MYH14: variants seen among roughly 807,000 people sequenced by gnomAD.
The protein encoded by MYH14 is myosin heavy chain 14.
MYH14 carries 123 observed loss-of-function variants against 255.5 expected under a neutral mutation model. That is an observed-to-expected ratio of 0.48 (90% confidence interval 0.42 to 0.56). The LOEUF is 0.56. Ranked by LOEUF, MYH14 falls within the 20% of genes least tolerant of loss-of-function variation. The pLI, the probability that MYH14 is intolerant of heterozygous loss-of-function variation, is 0.00. For synonymous variants in MYH14, 1,095 were observed against 1,161.2 expected (o/e 0.94, Z 1.16); for missense variants, 2,423 against 2,802.3 (o/e 0.86, Z 3.06).
intron 19 of MYH14, among the ~76,000 whole-genome samples, chr19:50,260,214 G>C (rs1416358426): frequency 4.6e-5 from 7 of 152,134 alleles, no homozygotes. Flanking sequence ...ATCACTTCAG[G>C]TCAGGAGTTC....
chr19:50,245,936 C>G (rs2034097517), intron 11 of MYH14, among the ~76,000 whole-genome samples: 1 of 10,876 alleles, frequency 9.2e-5, no homozygotes, highest in East Asian at 1.7e-3. Context: ...GATCCCTTCC[C>G]TCCCTCCCTC....
chr19:50,225,479 C>T, intron 6 of MYH14, 106 bp from the exon 7 acceptor site: 1 of 817,662 alleles, frequency 1.2e-6, no homozygotes, highest in East Asian at 2.7e-5. Flanking sequence ...ACAAAGGCCC[C>T]TCACACACAG....
chr19:50,280,356 C>T lies in MYH14; in HGVS notation c.4263C>T (p.Gly1421=), dbSNP rs1396830680. 1 of 1,545,864 alleles carries T rather than the reference C, an allele frequency of 6.5e-7. No individual in the cohort carries two copies. Among genetic ancestry groups the T allele is most frequent in the Admixed American group, 2.0e-5 (1 of 50,824 alleles). ...AGGCAGCTGCCAGGGAACGGGCGGGCCGTGAACTGCAGACTGCCCAGGCCC... is the reference window on the plus strand; with the variant it reads ...AGGCAGCTGCCAGGGAACGGGCGGGTCGTGAACTGCAGACTGCCCAGGCCC... ...EEEAAARERA[G]RELQTAQAQL... is the part of the protein sequence containing the mutation. Residue 1421 remains glycine (G), a synonymous_variant, in exon 32 of 43, where the codon GGC becomes GGT. Transcript: ENST00000642316. The surrounding 1 kb of genome is among the most constrained non-coding windows in gnomAD (Gnocchi z 4.8).
intron 1 of MYH14, among the ~76,000 whole-genome samples, chr19:50,206,148 A>G (rs2031736996): frequency 6.6e-6 from 1 of 151,368 alleles, no homozygotes; most frequent in South Asian, 2.1e-4. Flanking sequence ...TTCAGAACTC[A>G]GCATCCTCAC....
At position 50,309,019 on chromosome 19, in the gene MYH14, C is replaced by A. The variant is rs745991888; in HGVS notation, c.5802C>A (p.Asn1934Lys). The A allele has an allele frequency of 1.7e-5, 27 of 1,612,326 alleles. No homozygotes were observed. The highest frequency in any genetic ancestry group is 3.3e-5 in the Admixed American group (2 of 59,828). The part of the protein sequence containing the change: ...DQLRDQLEKG[N>K]LRVKQLKRQL... ...CTTCCATCAAGCTGGAGAAGGGAAA[C>A]CTTCGAGTCAAGCAGCTGAAGCGGC... The change falls in exon 42 of 43, where the codon AAC (asparagine) becomes AAA (lysine). Residue 1934 changes from asparagine (N) to lysine (K), a missense_variant. Around this residue, in one of 3 missense-constraint regions of MYH14, gnomAD observed 1,513 missense variants for 1,674.8 expected, o/e 0.90. Coordinates refer to ENST00000642316, the MANE Select transcript of MYH14 (RefSeq NM_001145809.2).
intron 29 of MYH14, 72 bp from the exon 30 acceptor site, chr19:50,278,011 T>G: frequency 3.2e-6 from 4 of 1,235,512 alleles, no homozygotes; most frequent in Non-Finnish European, 3.3e-6. Context: ...GCAAAGGCCC[T>G]GAGATGGGAG....
chr19:50,274,244 G>C (rs907821954), intron 27 of MYH14, among the ~76,000 whole-genome samples: 1 of 152,070 alleles, frequency 6.6e-6, no homozygotes, highest in Non-Finnish European at 1.5e-5. Context: ...CAATTCAGTA[G>C]ATTTTGCCCA....
chr19:50,275,139 A>AT (rs1169688329), intron 27 of MYH14, among the ~76,000 whole-genome samples: 1 of 152,162 alleles, frequency 6.6e-6, no homozygotes, highest in Non-Finnish European at 1.5e-5. Context: ...CCTCCCACAA[A>AT]TCAGGACCCT....
intron 39 of MYH14, among the ~76,000 whole-genome samples, chr19:50,296,398 A>G (rs2036267046): frequency 1.3e-5 from 2 of 152,088 alleles, no homozygotes; most frequent in Non-Finnish European, 2.9e-5. Flanking sequence ...GCTTGAGCCC[A>G]GGAGTTTGAG....
rs11084008 is a variant in MYH14 at position 50,259,422 on chromosome 19, G to A, written c.2354+157G>A. ...CACTTTGCTGAGCCTCAGTTTACTC[G>A]TCTGTGTATGGGAGAACAATAGCCC... On this transcript the variant is annotated intron_variant, in intron 19 of 42. Coordinates refer to ENST00000642316, the MANE Select transcript of MYH14 (RefSeq NM_001145809.2). Among the ~76,000 whole-genome samples, 45,380 of 152,116 alleles carry A rather than the reference G, an allele frequency of 0.3. 8,311 individuals carry two copies. Among genetic ancestry groups the A allele is most frequent in the Admixed American group, 0.47 (7,133 of 15,272 alleles).
chr19:50,216,872 A>C (rs975568941), intron 2 of MYH14, among the ~76,000 whole-genome samples: 1 of 140,676 alleles, frequency 7.1e-6, no homozygotes, highest in Non-Finnish European at 1.5e-5. Flanking sequence ...CAGTGGCGCA[A>C]TCTTGGCTTA....
At chr19:50,247,645 A>G (rs527380089) in intron 12 of MYH14, among the ~76,000 whole-genome samples, 12 of 152,284 alleles carry the variant, frequency 7.9e-5, no homozygotes, top group South Asian at 2.1e-4. Context: ...GTTGGTCAGG[A>G]AAGTCCTCTC....
At chr19:50,231,841 G>C in intron 9 of MYH14, 89 bp from the exon 10 acceptor site, 2 of 1,546,754 alleles carry the variant, frequency 1.3e-6, no homozygotes, top group South Asian at 1.2e-5. Flanking sequence ...TGAGGATATG[G>C]CATGTCCTGG....
At chr19:50,231,630 T>C (rs1600897276) in intron 9 of MYH14, among the ~76,000 whole-genome samples, 1 of 152,192 alleles carries the variant, frequency 6.6e-6, no homozygotes, top group Non-Finnish European at 1.5e-5. Flanking sequence ...GGAGGATTGC[T>C]TGAGCCCAGG....
rs761274664 is a variant in MYH14, at chr19:50,271,903, G to A, written c.3226G>A (p.Glu1076Lys). The A allele has an allele frequency of 6.2e-7, 1 of 1,613,270 alleles. No individual in the cohort carries two copies. Among genetic ancestry groups the A allele is most frequent in the South Asian group, 1.1e-5 (1 of 90,820 alleles). ...LAEFSSQAAEEEEKVKSLNKL... is the reference protein window; with the variant it reads ...LAEFSSQAAEKEEKVKSLNKL... ...CGAGTTCTCATCCCAGGCAGCTGAG[G>A]AGGAGGAGAAGGTCAAGAGCCTCAA... The change falls in exon 26 of 43, where the codon GAG (glutamate) becomes AAG (lysine). Residue 1076 changes from glutamate to lysine, a missense_variant. Glu to Lys is a moderately conservative substitution (Grantham distance 56). Around this residue, in one of 3 missense-constraint regions of MYH14, gnomAD observed 1,513 missense variants for 1,674.8 expected, o/e 0.90. Transcript: ENST00000642316.
rs1241915097 is a variant in MYH14 at position 50,210,650 on chromosome 19, G to T, written c.285G>T (p.Gln95His). 1.3e-6 allele frequency: 2 copies of T among 1,571,884 alleles called. No individual in the cohort carries two copies. The highest frequency in any genetic ancestry group is 1.2e-5 in the South Asian group (1 of 85,886). ...GGCGGCTGCGACTGCCGCGGGACCA[G>T]ATCCAGCGCATGAACCCGCCCAAGT... ...SGRRLRLPRD[Q>H]IQRMNPPKFS... Residue 95 changes from glutamine to histidine, a missense_variant, in exon 2 of 43, where the codon CAG (glutamine) becomes CAT (histidine). Coordinates refer to ENST00000642316, the MANE Select transcript of MYH14 (RefSeq NM_001145809.2).
rs565440166 is a variant in MYH14, at chr19:50,266,869, C to G, written c.2695-8C>G. 10 of 1,551,590 alleles carry G rather than the reference C, an allele frequency of 6.4e-6. No individual in the cohort carries two copies. In the East Asian group the frequency reaches 2.4e-4, roughly 38 times the overall value. On this transcript the variant is annotated splice_region_variant and splice_polypyrimidine_tract_variant and intron_variant, in intron 22 of 42. Coordinates refer to ENST00000642316, the MANE Select transcript of MYH14 (RefSeq NM_001145809.2). This position sits in a 1 kb window ranked among gnomAD's most constrained non-coding sequence, Gnocchi z 4.1. ...GTCAGCCATTCCACCCCTTTCACCT[C>G]CACCTAGGTGAAGCCACTGCTGCAG...
chr19:50,214,281 G>A (rs995679402), intron 2 of MYH14, among the ~76,000 whole-genome samples: 1 of 152,178 alleles, frequency 6.6e-6, no homozygotes, highest in African/African-American at 2.4e-5. Context: ...AATGTTACAG[G>A]TGTGATTCAA....
intron 15 of MYH14, among the ~76,000 whole-genome samples, chr19:50,251,529 C>T (rs1217173076): frequency 9.5e-3 from 219 of 23,124 alleles, no homozygotes; most frequent in African/African-American, 0.024. Context: ...ACTACACACA[C>T]ACACACACAC....
Sources: allele counts gnomAD v4.1 joint callset (sites outside exome capture counted in the v4.1 genomes callset), GRCh38; gene constraint gnomAD v4.1.1; regional missense constraint gnomAD v4.1.1; non-coding constraint Gnocchi (gnomAD v3.1); transcripts MANE v1.5; gene names NCBI Gene and HGNC (gene_info 2026-07-23, HGNC 2026-07-21).